CNR1: variants seen among roughly 807,000 people sequenced by gnomAD.
CNR1 encodes the protein cannabinoid receptor 1, also known as cannabinoid receptor 1 (brain).
In CNR1, 10 loss-of-function variants were observed where a neutral mutation model predicts 23.0. The observed-to-expected ratio is 0.43, with a 90% confidence interval of 0.27 to 0.74. The LOEUF (loss-of-function observed/expected upper bound fraction) is 0.74, where lower values mean the gene tolerates loss of function less well. Ranked by LOEUF, CNR1 falls within the 30% of genes least tolerant of loss-of-function variation. CNR1 has a pLI of 0.19. For synonymous variants in CNR1, 271 were observed against 255.2 expected, an observed-to-expected ratio of 1.06 and a Z score of -0.59; for missense variants, 422 against 618.8, an observed-to-expected ratio of 0.68 and a Z score of 3.37.
At position 88,143,505 on chromosome 6, in the gene CNR1, T is replaced by G. The variant is rs150570030; in HGVS notation, c.*351A>C. The G allele has an allele frequency of 5.4e-4, 119 of 220,630 alleles. 1 individual carries two copies. The highest frequency in any genetic ancestry group is 2.5e-3 in the African/African-American group (106 of 43,094). 13.7% of individuals were successfully genotyped at this position (220,630 alleles called of 1,614,324 possible). The stretch of plus-strand genomic sequence containing the variant: ...TACTACGGACAGTTACATTTCACAT[T>G]ATAGTGAAAGTTGTGGTTACAAAGG... On this transcript the variant is annotated 3_prime_UTR_variant, in exon 2 of 2. Transcript: ENST00000369501.
intron 1 of CNR1, among the ~76,000 whole-genome samples, chr6:88,148,792 A>G (rs1200779301): frequency 6.6e-6 from 1 of 152,200 alleles, no homozygotes; most frequent in Non-Finnish European, 1.5e-5. Flanking sequence ...ACAGAGAAAG[A>G]GCCCTCAGCA....
rs150801021 is a variant in CNR1, at chr6:88,147,180, G to A, written c.-63-1843C>T. 7.3e-3 allele frequency among the ~76,000 whole-genome samples: 1,105 copies of A among 152,290 alleles called. 16 individuals carry two copies. Among genetic ancestry groups the A allele is most frequent in the African/African-American group, 0.021 (877 of 41,560 alleles). On this transcript the variant is annotated intron_variant, in intron 1 of 1. Coordinates refer to ENST00000369501, the MANE Select transcript of CNR1 (RefSeq NM_016083.6). ...TTTAAAAAAATTAGCTGGGCATGGT[G>A]GCACGCCTGTAATCCCTGCTACTCA...
chr6:88,148,508 C>T (rs974504484), intron 1 of CNR1, among the ~76,000 whole-genome samples: 3 of 151,846 alleles, frequency 2.0e-5, no homozygotes, highest in African/African-American at 4.8e-5. Context: ...AAACAAGAAG[C>T]TCTTTTCTAC....
At chr6:88,163,687 C>T (rs957875660) in intron 1 of CNR1, among the ~76,000 whole-genome samples, 1 of 152,144 alleles carries the variant, frequency 6.6e-6, no homozygotes, top group Non-Finnish European at 1.5e-5. Flanking sequence ...ATAGGTAAAC[C>T]GAATCAAAGA....
chr6:88,149,641 C>T (rs576243511), intron 1 of CNR1, among the ~76,000 whole-genome samples: 6 of 152,084 alleles, frequency 3.9e-5, no homozygotes, highest in South Asian at 4.1e-4. Context: ...TTGAATACAC[C>T]GTCATACCTG....
At chr6:88,150,898 T>C (rs1299911875) in intron 1 of CNR1, among the ~76,000 whole-genome samples, 1 of 152,190 alleles carries the variant, frequency 6.6e-6, no homozygotes, top group Non-Finnish European at 1.5e-5. Flanking sequence ...CTGAGAACTT[T>C]TTCACATTTC....
chr6:88,151,414 T>G (rs1301595397), intron 1 of CNR1, among the ~76,000 whole-genome samples: 1 of 152,142 alleles, frequency 6.6e-6, no homozygotes, highest in African/African-American at 2.4e-5. Flanking sequence ...GAATTAGGAG[T>G]TAGCAGACCA....
At chr6:88,163,909 T>C (rs1436885707) in intron 1 of CNR1, among the ~76,000 whole-genome samples, 1 of 152,016 alleles carries the variant, frequency 6.6e-6, no homozygotes, top group Non-Finnish European at 1.5e-5. Context: ...CACTGGGAAA[T>C]GGGTAACAGA....
In CNR1 at chr6:88,144,283, C is replaced by T. The variant is rs766645201; in HGVS notation, c.992G>A (p.Arg331Gln). The T allele has an allele frequency of 2.5e-6, 4 of 1,611,400 alleles. No homozygotes were observed. The highest frequency in any genetic ancestry group is 1.1e-5 in the South Asian group (1 of 91,064). ...TSEDGKVQVTRPDQARMDIRL... is the reference protein window; with the variant it reads ...TSEDGKVQVTQPDQARMDIRL... Reference sequence around the variant, plus strand: ...AATGTCCATGCGGGCTTGGTCTGGCCGGGTCACCTGTACCTTCCCATCCTC... The same window carrying T: ...AATGTCCATGCGGGCTTGGTCTGGCTGGGTCACCTGTACCTTCCCATCCTC... Residue 331 changes from arginine to glutamine, a missense_variant, in exon 2 of 2, where the codon CGG becomes CAG. Physicochemically the swap from Arg to Gln is conservative, Grantham distance 43. Around this residue, in one of 4 missense-constraint regions of CNR1, gnomAD observed 211 missense variants for 357.3 expected, o/e 0.59. Transcript: ENST00000369501. The surrounding 1 kb of genome is among the most constrained non-coding windows in gnomAD (Gnocchi z 7.8).
At chr6:88,154,804 C>G (rs192766192) in intron 1 of CNR1, among the ~76,000 whole-genome samples, 2 of 152,110 alleles carry the variant, frequency 1.3e-5, no homozygotes, top group African/African-American at 4.8e-5. Context: ...GCCTTGAACA[C>G]CTGACCTCAA....
chr6:88,158,309 T>C (rs1218379818), intron 1 of CNR1, among the ~76,000 whole-genome samples: 1 of 152,212 alleles, frequency 6.6e-6, no homozygotes, highest in Admixed American at 6.5e-5. Context: ...GTTTGTGTGA[T>C]ACAATTAAGA....
In CNR1 at chr6:88,143,778, A is replaced by G. The variant is rs2127825483; in HGVS notation, c.*78T>C. The G allele has an allele frequency of 9.9e-7, 1 of 1,014,578 alleles. No homozygotes were observed. Among genetic ancestry groups the G allele is most frequent in the Non-Finnish European group, 1.5e-6 (1 of 676,454 alleles). The allele number at this position is 1,014,578 out of a possible 1,614,324, so 62.8% of individuals were successfully genotyped here. A position where few individuals can be genotyped will look rare whatever the true frequency, so the allele number is the denominator to read the frequency against. On this transcript the variant is annotated 3_prime_UTR_variant, in exon 2 of 2. Coordinates refer to ENST00000369501, the MANE Select transcript of CNR1 (RefSeq NM_016083.6). ...ATGGTAAAGTTAAAAAAATATAACCAAGGAGACAATAGACTCTTCTAGATT... is the reference window on the plus strand; with the variant it reads ...ATGGTAAAGTTAAAAAAATATAACCGAGGAGACAATAGACTCTTCTAGATT...
chr6:88,165,532 C>A (rs1467107736), intron 1 of CNR1, among the ~76,000 whole-genome samples: 2 of 152,232 alleles, frequency 1.3e-5, no homozygotes, highest in African/African-American at 4.8e-5. Context: ...GTTTTTCAAA[C>A]ATGCACAATT....
Position 88,144,583 on chromosome 6 carries a change from G to A in CNR1, c.692C>T (p.Pro231Leu), listed in dbSNP as rs1487401071. Residue 231 changes from proline (P) to leucine (L), a missense_variant, in exon 2 of 2, where the codon CCC (proline) becomes CTC (leucine). This residue lies in a region of CNR1 where 211 missense variants were observed against 357.3 expected (regional missense o/e 0.59). Coordinates refer to ENST00000369501, the MANE Select transcript of CNR1 (RefSeq NM_016083.6). This position sits in a 1 kb window ranked among gnomAD's most constrained non-coding sequence, Gnocchi z 7.8. ...PLAYKRIVTR[P>L]KAVVAFCLMW... The stretch of plus-strand genomic sequence containing the variant: ...CAGGCAAAACGCCACCACGGCCTTG[G>A]GCCTGGTGACAATCCTCTTATAGGC... 2 of 1,614,066 alleles carry A rather than the reference G, an allele frequency of 1.2e-6. No homozygotes were observed. The highest frequency in any genetic ancestry group is 1.3e-5 in the African/African-American group (1 of 74,950).
At chr6:88,164,571 G>C (rs1258015988) in intron 1 of CNR1, among the ~76,000 whole-genome samples, 1 of 152,170 alleles carries the variant, frequency 6.6e-6, no homozygotes, top group Non-Finnish European at 1.5e-5. Flanking sequence ...TTAGAGAGCG[G>C]GGGAGGGGGA....
upstream of CNR1, among the ~76,000 whole-genome samples, chr6:88,166,836 G>C (rs548078452): frequency 5.9e-5 from 9 of 152,096 alleles, 1 homozygote; most frequent in Admixed American, 5.2e-4. Flanking sequence ...AGGCGCGCCG[G>C]GCCCGGGGGT....
chr6:88,166,855 G>A (rs1582389608), upstream of CNR1, among the ~76,000 whole-genome samples: 2 of 151,998 alleles, frequency 1.3e-5, no homozygotes, highest in African/African-American at 2.4e-5. Context: ...GTGCGGTCTC[G>A]CGCCCCCTCC....
rs1777123719 is a variant in CNR1 at position 88,145,355 on chromosome 6, A to G, written c.-63-18T>C. ...GGGCAATCCTAAGAGGAGGGAAAAC[A>G]AATAAGCCGAATGGTGAGAAACAGG... is the stretch of plus-strand genomic sequence containing the variant. On this transcript the variant is annotated intron_variant, in intron 1 of 1. Coordinates refer to ENST00000369501, the MANE Select transcript of CNR1 (RefSeq NM_016083.6). 2 of 1,104,070 alleles carry G rather than the reference A, an allele frequency of 1.8e-6. No homozygotes were observed. The highest frequency in any genetic ancestry group is 1.5e-5 in the South Asian group (1 of 66,726). 68.4% of individuals were successfully genotyped at this position (1,104,070 alleles called of 1,614,324 possible).
At chr6:88,148,963 GT>G (rs964569297) in intron 1 of CNR1, among the ~76,000 whole-genome samples, 6 of 151,970 alleles carry the variant, frequency 3.9e-5, no homozygotes, top group Non-Finnish European at 5.9e-5. Context: ...AAAATTGAGG[GT>G]TTTTTTTAGT....
Sources: allele counts gnomAD v4.1 joint callset (sites outside exome capture counted in the v4.1 genomes callset), GRCh38; gene constraint gnomAD v4.1.1; regional missense constraint gnomAD v4.1.1; non-coding constraint Gnocchi (gnomAD v3.1); transcripts MANE v1.5; gene names NCBI Gene and HGNC (gene_info 2026-07-23, HGNC 2026-07-21).